Variants in NDST4 observed in about 807,000 individuals in gnomAD.
The protein encoded by NDST4 is N-deacetylase and N-sulfotransferase 4.
NDST4 carries 63 observed loss-of-function variants against 100.8 expected under a neutral mutation model. That is an observed-to-expected ratio of 0.62 (90% CI 0.51 to 0.77). The LOEUF is 0.77. Ranked by LOEUF, NDST4 falls within the 30% of genes least tolerant of loss-of-function variation. The probability of loss-of-function intolerance (pLI) is 0.00; values close to 1 mark genes in which losing one functional copy is unlikely to be tolerated. For synonymous variants in NDST4, 377 were observed against 361.8 expected (o/e 1.04, Z -0.48); for missense variants, 943 against 1,018.4 (o/e 0.93, Z 1.01).
intron 4 of NDST4, among the ~76,000 whole-genome samples, chr4:114,959,690 G>C (rs1165546887): frequency 2.0e-5 from 3 of 151,912 alleles, no homozygotes; most frequent in Non-Finnish European, 2.9e-5. Context: ...GCTAACAGAA[G>C]AAAAATTTAG....
At chr4:114,976,961 T>A (rs983118245) in intron 3 of NDST4, among the ~76,000 whole-genome samples, 5 of 147,630 alleles carry the variant, frequency 3.4e-5, no homozygotes, top group Non-Finnish European at 7.4e-5. Flanking sequence ...TTCTATTTTT[T>A]AAAAAATGAG....
chr4:114,920,492 T>A (rs1263904023), intron 6 of NDST4, among the ~76,000 whole-genome samples: 2 of 152,200 alleles, frequency 1.3e-5, no homozygotes, highest in African/African-American at 4.8e-5. Flanking sequence ...GGAGTAAGAT[T>A]CTGTTACTTA....
chr4:114,941,340 C>T (rs148729916), intron 4 of NDST4, among the ~76,000 whole-genome samples: 3 of 152,174 alleles, frequency 2.0e-5, no homozygotes, highest in African/African-American at 7.2e-5. Context: ...TGACCCCTCC[C>T]CTCCCCTCCC....
chr4:115,044,456 A>G (rs949433448), intron 2 of NDST4, among the ~76,000 whole-genome samples: 11 of 152,038 alleles, frequency 7.2e-5, no homozygotes, highest in African/African-American at 2.7e-4. Flanking sequence ...GTGAGGGAAA[A>G]CAAAAGATTC....
At chr4:115,021,347 A>T (rs929451138) in intron 2 of NDST4, among the ~76,000 whole-genome samples, 2 of 151,778 alleles carry the variant, frequency 1.3e-5, no homozygotes. Flanking sequence ...TATTCCATAT[A>T]TACATATTCC....
intron 2 of NDST4, among the ~76,000 whole-genome samples, chr4:115,001,874 T>C (rs928258232): frequency 1.3e-5 from 2 of 152,198 alleles, no homozygotes; most frequent in African/African-American, 4.8e-5. Context: ...ATTATAATCA[T>C]GCCTAAAGGC....
intron 2 of NDST4, among the ~76,000 whole-genome samples, chr4:115,071,452 C>T (rs1025845554): frequency 6.6e-6 from 1 of 152,054 alleles, no homozygotes. Context: ...TTTTTTATCC[C>T]TAACACTCTT....
intron 7 of NDST4, among the ~76,000 whole-genome samples, chr4:114,855,334 A>T (rs1723769636): frequency 6.6e-6 from 1 of 152,156 alleles, no homozygotes; most frequent in South Asian, 2.1e-4. Context: ...GGTATTGCTT[A>T]AGAAATCTTT....
intron 11 of NDST4, among the ~76,000 whole-genome samples, chr4:114,838,211 A>T (rs972306660): frequency 6.6e-6 from 1 of 152,182 alleles, no homozygotes; most frequent in Non-Finnish European, 1.5e-5. Flanking sequence ...ATGCTTTTAC[A>T]TTGTTGGTGG....
chr4:114,954,094 A>G (rs541085183), intron 4 of NDST4, among the ~76,000 whole-genome samples: 51 of 152,288 alleles, frequency 3.3e-4, no homozygotes, highest in African/African-American at 1.1e-3. Context: ...GATCATTCAC[A>G]TACTCCATTT....
intron 6 of NDST4, among the ~76,000 whole-genome samples, chr4:114,916,424 CAGCTTAGT>C (rs1030892643): frequency 1.1e-4 from 17 of 151,988 alleles, no homozygotes; most frequent in African/African-American, 3.6e-4. Context: ...TATATGCTTC[CAGCTTAGT>C]AGCTCACTAG....
intron 10 of NDST4, among the ~76,000 whole-genome samples, chr4:114,843,635 C>T (rs1723479427): frequency 6.6e-6 from 1 of 152,122 alleles, no homozygotes; most frequent in South Asian, 2.1e-4. Context: ...TTTCGCTTTG[C>T]CTAATGGTTT....
At chr4:115,101,238 G>C (rs1729722774) in intron 1 of NDST4, among the ~76,000 whole-genome samples, 1 of 151,996 alleles carries the variant, frequency 6.6e-6, no homozygotes, top group South Asian at 2.1e-4. Context: ...GTAATAGTGG[G>C]GAAGATACAA....
At chr4:115,021,533 G>A (rs1470440371) in intron 2 of NDST4, among the ~76,000 whole-genome samples, 2 of 92,942 alleles carry the variant, frequency 2.2e-5, no homozygotes, top group Admixed American at 1.2e-4. Context: ...ATATACACAC[G>A]TTCCACATAT....
rs569489912 is a variant in NDST4 at position 115,102,179 on chromosome 4, A to G, written c.-247+11265T>C. 2.0e-5 allele frequency among the ~76,000 whole-genome samples: 3 copies of G among 152,288 alleles called. No individual in the cohort carries two copies. In the South Asian group the frequency reaches 6.2e-4, roughly 32 times the overall value. ...ATTATTTAAAACCATTATTATATTT[A>G]GTATTGATTTGCATCCTTGCTAATT... On this transcript the variant is annotated intron_variant, in intron 1 of 13. Transcript: ENST00000264363.
At chr4:114,929,675 T>C (rs1021988041) in intron 6 of NDST4, among the ~76,000 whole-genome samples, 3 of 152,230 alleles carry the variant, frequency 2.0e-5, no homozygotes, top group Admixed American at 6.5e-5. Context: ...GTGAGATTTA[T>C]AAGACTTACT....
intron 6 of NDST4, among the ~76,000 whole-genome samples, chr4:114,927,039 G>A (rs1725399663): frequency 6.6e-6 from 1 of 151,910 alleles, no homozygotes; most frequent in South Asian, 2.1e-4. Context: ...GTAATGGGAA[G>A]GTTTTTTTCT....
chr4:114,885,481 G>A (rs940747785), intron 6 of NDST4, among the ~76,000 whole-genome samples: 2 of 152,076 alleles, frequency 1.3e-5, no homozygotes, highest in Non-Finnish European at 2.9e-5. Flanking sequence ...ATGACAAATT[G>A]TCTCAGAATT....
intron 2 of NDST4, among the ~76,000 whole-genome samples, chr4:115,042,607 T>C (rs948322426): frequency 5.3e-5 from 8 of 152,098 alleles, no homozygotes; most frequent in African/African-American, 1.9e-4. Flanking sequence ...AATTTTATTA[T>C]ACGCATGTAT....
Sources: gnomAD v4.1 joint callset for allele counts (sites outside exome capture counted in the v4.1 genomes callset) on GRCh38, gnomAD v4.1.1 for gene constraint, MANE v1.5 for transcripts, NCBI Gene and HGNC (gene_info 2026-07-23, HGNC 2026-07-21) for gene names.